Variants in TACC2 observed in about 807,000 individuals in gnomAD.
The protein encoded by TACC2 is transforming acidic coiled-coil containing protein 2.
Under a neutral mutation model 227.3 loss-of-function variants are expected in TACC2, and 137 were observed. The ratio of observed to expected loss-of-function variants is 0.60; its 90% confidence interval spans 0.52 to 0.69. The LOEUF (loss-of-function observed/expected upper bound fraction) is 0.69, where lower values mean the gene tolerates loss of function less well. Ranked by LOEUF, TACC2 falls within the 30% of genes least tolerant of loss-of-function variation. The pLI is 0.00. For synonymous variants in TACC2, 1,523 were observed against 1,487.5 expected (o/e 1.02, Z -0.55); for missense variants, 3,470 against 3,694.4 (o/e 0.94, Z 1.57).
chr10:122,045,353 A>G (rs562590899), intron 2 of TACC2, among the ~76,000 whole-genome samples: 2 of 152,344 alleles, frequency 1.3e-5, no homozygotes, highest in East Asian at 1.9e-4. Context: ...TAAGGCAGGG[A>G]CAAGAGCACA....
intron 7 of TACC2, among the ~76,000 whole-genome samples, chr10:122,153,521 C>T (rs2092255985): frequency 6.6e-6 from 1 of 152,208 alleles, no homozygotes; most frequent in Admixed American, 6.5e-5. Flanking sequence ...TGATTGCAGA[C>T]CTCGGGTTTC....
chr10:122,197,342 G>A (rs981523269), intron 8 of TACC2, among the ~76,000 whole-genome samples: 1 of 152,256 alleles, frequency 6.6e-6, no homozygotes, highest in Admixed American at 6.5e-5. Flanking sequence ...CAAGGAGTGT[G>A]CGGAGAGGCC....
chr10:122,224,849 C>G, intron 12 of TACC2, 62 bp downstream of exon 12: 1 of 1,385,126 alleles, frequency 7.2e-7, no homozygotes, highest in Non-Finnish European at 1.0e-6. Flanking sequence ...GGGCCTCCTC[C>G]CCTGTGCAGA....
chr10:122,142,583 C>T (rs1592539869), intron 6 of TACC2, among the ~76,000 whole-genome samples: 1 of 152,328 alleles, frequency 6.6e-6, no homozygotes, highest in East Asian at 1.9e-4. Flanking sequence ...GAGGCCCACG[C>T]ACCCTGGACT....
At chr10:122,146,248 G>A (rs2091359487) in intron 7 of TACC2, among the ~76,000 whole-genome samples, 1 of 151,868 alleles carries the variant, frequency 6.6e-6, no homozygotes, top group African/African-American at 2.4e-5. Flanking sequence ...TATTGTTGGG[G>A]AGAAACAGCA....
chr10:122,154,695 C>T (rs1197971638), intron 7 of TACC2, among the ~76,000 whole-genome samples: 1 of 152,114 alleles, frequency 6.6e-6, no homozygotes, highest in African/African-American at 2.4e-5. Context: ...TGCAGCTGGC[C>T]ACAGTTAGGC....
At chr10:122,206,551 C>G (rs1451927997) in intron 8 of TACC2, among the ~76,000 whole-genome samples, 1 of 152,188 alleles carries the variant, frequency 6.6e-6, no homozygotes, top group Non-Finnish European at 1.5e-5. Flanking sequence ...GAGAGACAAA[C>G]CCACTGATGC....
chr10:122,002,079 A>G (rs1565036967), intron 1 of TACC2, among the ~76,000 whole-genome samples: 1 of 152,230 alleles, frequency 6.6e-6, no homozygotes, highest in Non-Finnish European at 1.5e-5. Context: ...TCCAAGATGA[A>G]GGTGCTGGCT....
intron 7 of TACC2, among the ~76,000 whole-genome samples, chr10:122,186,751 G>A (rs1181554924): frequency 6.6e-6 from 1 of 152,152 alleles, no homozygotes; most frequent in Non-Finnish European, 1.5e-5. Flanking sequence ...GGCCTCAAGT[G>A]ATCTGCCCAC....
intron 5 of TACC2, among the ~76,000 whole-genome samples, chr10:122,093,090 T>C (rs2137341146): frequency 9.4e-6 from 1 of 105,838 alleles, no homozygotes; most frequent in South Asian, 4.2e-4. Context: ...TCTCTCTTTG[T>C]CTCTCTCTTT....
At chr10:122,198,309 C>T (rs1413872937) in intron 8 of TACC2, among the ~76,000 whole-genome samples, 12 of 152,118 alleles carry the variant, frequency 7.9e-5, no homozygotes, top group Admixed American at 7.9e-4. Context: ...CTCAGCTCAT[C>T]TGAACGCAGT....
intron 7 of TACC2, among the ~76,000 whole-genome samples, chr10:122,182,431 G>C (rs191135689): frequency 6.6e-6 from 1 of 152,272 alleles, no homozygotes; most frequent in East Asian, 1.9e-4. Flanking sequence ...CACGATTTCT[G>C]AGTTGCTTGG....
chr10:122,164,884 C>G (rs1463112642), intron 7 of TACC2, among the ~76,000 whole-genome samples: 1 of 152,088 alleles, frequency 6.6e-6, no homozygotes, highest in Non-Finnish European at 1.5e-5. Flanking sequence ...TCTTAAGAGT[C>G]ATGGATGTGT....
At chr10:122,021,900 C>T in intron 1 of TACC2, 37 bp from the exon 2 acceptor site, 4 of 1,311,634 alleles carry the variant, frequency 3.0e-6, no homozygotes, top group Middle Eastern at 1.8e-4. Flanking sequence ...GATCTTTTTT[C>T]ATTTCACAGA....
intron 5 of TACC2, among the ~76,000 whole-genome samples, chr10:122,093,124 A>G (rs2137344725): frequency 6.7e-6 from 1 of 150,298 alleles, no homozygotes; most frequent in East Asian, 2.0e-4. Flanking sequence ...ATTTAGGGAA[A>G]TGGTTGGAAA....
At chr10:122,215,148 A>G (rs1025241422) in intron 9 of TACC2, among the ~76,000 whole-genome samples, 5 of 152,222 alleles carry the variant, frequency 3.3e-5, no homozygotes, top group Admixed American at 3.3e-4. Flanking sequence ...TCATTCTCCA[A>G]AATGGCATCT....
At chr10:122,155,236 T>C (rs903962662) in intron 7 of TACC2, among the ~76,000 whole-genome samples, 1 of 152,230 alleles carries the variant, frequency 6.6e-6, no homozygotes, top group African/African-American at 2.4e-5. Context: ...GCCTCTCCAG[T>C]CCGGCCTCAG....
chr10:122,211,077 T>G lies in TACC2; in HGVS notation c.6652T>G (p.Ser2218Ala). 6.2e-7 allele frequency: 1 copy of G among 1,612,712 alleles called. No homozygotes were observed. The highest frequency in any genetic ancestry group is 8.5e-7 in the Non-Finnish European group (1 of 1,179,536). ...TGCAGAAGGGGTTGTCCCCCCGGCT[T>G]CTGGAGGTGGCAGAGTGCAGAACTC... The part of the protein sequence containing the change: ...ESAEGVVPPA[S>A]GGGRVQNSPP... The change falls in exon 9 of 23, where the codon TCT becomes GCT. Residue 2218 changes from serine (S) to alanine (A), a missense_variant. Ser to Ala is a moderately conservative substitution (Grantham distance 99). Coordinates refer to ENST00000369005, the MANE Select transcript of TACC2 (RefSeq NM_206862.4).
chr10:122,084,316 C>T lies in TACC2; in HGVS notation c.1816C>T (p.Arg606Cys), dbSNP rs764011384. ...GEDSQAFSSK[R>C]DPEVGKDELS... ...GGACTCTCAGGCTTTCAGCAGCAAG[C>T]GTGATCCAGAAGTAGGCAAAGATGA... Residue 606 changes from arginine (R) to cysteine (C), a missense_variant, in exon 4 of 23, where the codon CGT becomes TGT. Physicochemically the swap from Arg to Cys is radical, Grantham distance 180. Around this residue, in one of 10 missense-constraint regions of TACC2, gnomAD observed 1,924 missense variants for 1,978.3 expected, o/e 0.97. Coordinates refer to ENST00000369005, the MANE Select transcript of TACC2 (RefSeq NM_206862.4). 3.5e-5 allele frequency: 56 copies of T among 1,613,794 alleles called. No homozygotes were observed. The highest frequency in any genetic ancestry group is 9.3e-5 in the African/African-American group (7 of 74,926).
Sources: gnomAD v4.1 joint callset for allele counts (sites outside exome capture counted in the v4.1 genomes callset) on GRCh38, gnomAD v4.1.1 for gene constraint, gnomAD v4.1.1 regional missense constraint, MANE v1.5 for transcripts, NCBI Gene and HGNC (gene_info 2026-07-23, HGNC 2026-07-21) for gene names.